MAPK10: variants seen among roughly 807,000 people sequenced by gnomAD.
MAPK10 encodes the protein JNK3 alpha protein kinase.
Under a neutral mutation model 59.3 loss-of-function variants are expected in MAPK10, and 25 were observed. The observed-to-expected ratio is 0.42, with a 90% CI of 0.31 to 0.59. MAPK10 has a LOEUF of 0.59. Among genes scored for constraint, MAPK10 ranks in the 20% least tolerant of loss-of-function variants. MAPK10 has a pLI of 0.15. For missense variants in MAPK10, 351 were observed against 568.9 expected, an observed-to-expected ratio of 0.62 and a Z score of 3.90; for synonymous variants, 190 against 200.5, an observed-to-expected ratio of 0.95 and a Z score of 0.44.
chr4:86,132,848 A>G (rs1216903648), intron 4 of MAPK10, among the ~76,000 whole-genome samples: 1 of 152,202 alleles, frequency 6.6e-6, no homozygotes, highest in Non-Finnish European at 1.5e-5. Context: ...AGCTGCAGGA[A>G]AACAAGTTCA....
chr4:86,208,497 T>A (rs945817468), intron 2 of MAPK10, among the ~76,000 whole-genome samples: 1 of 150,404 alleles, frequency 6.6e-6, no homozygotes, highest in Non-Finnish European at 1.5e-5. Flanking sequence ...ACCACATGAT[T>A]ATCTCAATAG....
At chr4:86,564,289 G>A (rs920837119) in intron 1 of MAPK10, among the ~76,000 whole-genome samples, 2 of 152,156 alleles carry the variant, frequency 1.3e-5, no homozygotes, top group Non-Finnish European at 2.9e-5. Flanking sequence ...GCCTAGGTTT[G>A]TATAGCTTTT....
intron 2 of MAPK10, among the ~76,000 whole-genome samples, chr4:86,258,832 T>C (rs2093868190): frequency 6.6e-6 from 1 of 152,200 alleles, no homozygotes; most frequent in Non-Finnish European, 1.5e-5. Flanking sequence ...CTAACCAGAC[T>C]GTTACTTAAA....
At chr4:86,169,861 A>G (rs1274704932) in intron 3 of MAPK10, among the ~76,000 whole-genome samples, 1 of 152,158 alleles carries the variant, frequency 6.6e-6, no homozygotes, top group African/African-American at 2.4e-5. Context: ...CTAACAGCGG[A>G]TCTCTCGGCA....
rs1579120699 is a variant in MAPK10 at position 86,413,138 on chromosome 4, G to A, written c.-122+39892C>T. Reference sequence around the variant, plus strand: ...TGATGCTATTCCTTTCTGTTTGTGAGTTTTCCTTCTAACAGTCAGGCCCCT... The same window carrying A: ...TGATGCTATTCCTTTCTGTTTGTGAATTTTCCTTCTAACAGTCAGGCCCCT... On this transcript the variant is annotated intron_variant, in intron 1 of 13. Coordinates refer to the MAPK10 transcript ENST00000361569. Among the ~76,000 whole-genome samples, 4 of 152,298 alleles carry A rather than the reference G, an allele frequency of 2.6e-5. No homozygotes were observed. In the South Asian group the frequency reaches 8.3e-4, roughly 32 times the overall value.
chr4:86,563,636 C>T (rs1157376961), intron 1 of MAPK10, among the ~76,000 whole-genome samples: 4 of 152,038 alleles, frequency 2.6e-5, no homozygotes, highest in African/African-American at 4.8e-5. Context: ...CCTGAAACCA[C>T]GGATAGTACT....
intron 2 of MAPK10, among the ~76,000 whole-genome samples, chr4:86,270,377 TA>T (rs148399246): frequency 0.11 from 16,582 of 151,980 alleles, 937 homozygotes; most frequent in Middle Eastern, 0.13. Flanking sequence ...AAATGTGTGC[TA>T]TTTTTTTTAA....
At chr4:86,379,607 A>T (rs1322815046) in intron 1 of MAPK10, among the ~76,000 whole-genome samples, 2 of 152,220 alleles carry the variant, frequency 1.3e-5, no homozygotes, top group East Asian at 3.9e-4. Context: ...CTTAAACCAC[A>T]AACAATAGAA....
chr4:86,301,434 G>A (rs977742260), intron 2 of MAPK10, among the ~76,000 whole-genome samples: 2 of 151,606 alleles, frequency 1.3e-5, no homozygotes, highest in African/African-American at 4.8e-5. Context: ...ATGATGAGAA[G>A]AGCCACCTTT....
intron 1 of MAPK10, among the ~76,000 whole-genome samples, chr4:86,413,364 A>C (rs1004354048): frequency 6.6e-6 from 1 of 152,200 alleles, no homozygotes; most frequent in Non-Finnish European, 1.5e-5. Context: ...CACAGGGGCC[A>C]GGGACCCGCT....
chr4:86,313,873 T>C (rs1578106147), intron 2 of MAPK10, among the ~76,000 whole-genome samples: 1 of 152,054 alleles, frequency 6.6e-6, no homozygotes, highest in African/African-American at 2.4e-5. Flanking sequence ...CACAAGTACA[T>C]ATGTTCACTG....
At chr4:86,306,384 A>T (rs1340554135) in intron 2 of MAPK10, among the ~76,000 whole-genome samples, 1 of 152,220 alleles carries the variant, frequency 6.6e-6, no homozygotes, top group Non-Finnish European at 1.5e-5. Context: ...AAAGGCAAAT[A>T]GTATTTTTGC....
chr4:86,464,162 T>A (rs1486988443), intron 1 of MAPK10, among the ~76,000 whole-genome samples: 4 of 152,256 alleles, frequency 2.6e-5, no homozygotes, highest in Non-Finnish European at 5.9e-5. Flanking sequence ...GCTGACTTTG[T>A]GGGTATTCTC....
intron 2 of MAPK10, among the ~76,000 whole-genome samples, chr4:86,315,931 T>C (rs911517214): frequency 1.3e-5 from 2 of 152,202 alleles, no homozygotes; most frequent in Non-Finnish European, 2.9e-5. Flanking sequence ...TATTACTTTC[T>C]TCCCCAAAGC....
chr4:86,355,228 C>A (rs1733790382), intron 1 of MAPK10, among the ~76,000 whole-genome samples: 1 of 152,106 alleles, frequency 6.6e-6, no homozygotes. Context: ...CTGCAACATT[C>A]TACCCAATGT....
intron 1 of MAPK10, among the ~76,000 whole-genome samples, chr4:86,540,920 T>C (rs1294606313): frequency 2.0e-5 from 3 of 152,164 alleles, no homozygotes; most frequent in Non-Finnish European, 2.9e-5. Context: ...CTGGGCAACA[T>C]GGCAAGACCC....
At chr4:86,273,756 GC>G (rs1474914374) in intron 2 of MAPK10, among the ~76,000 whole-genome samples, 1 of 151,928 alleles carries the variant, frequency 6.6e-6, no homozygotes, top group Non-Finnish European at 1.5e-5. Context: ...AAGCATTGGT[GC>G]TTTTCCTTAT....
chr4:86,067,422 A>T (rs1417241432), intron 10 of MAPK10, among the ~76,000 whole-genome samples: 1 of 152,130 alleles, frequency 6.6e-6, no homozygotes, highest in African/African-American at 2.4e-5. Flanking sequence ...CTGAGGTTAC[A>T]GACTTGAGCC....
At chr4:86,456,146 TACAGCAAAGGCA>T (rs1751206594), upstream of MAPK10, among the ~76,000 whole-genome samples, 1 of 152,112 alleles carries the variant, frequency 6.6e-6, no homozygotes, top group Non-Finnish European at 1.5e-5. Context: ...ACCTCTGGGA[TACAGCAAAGGCA>T]ACACTAAGAG....
Sources: gnomAD v4.1 joint callset for allele counts (sites outside exome capture counted in the v4.1 genomes callset) on GRCh38, gnomAD v4.1.1 for gene constraint, MANE v1.5 for transcripts, NCBI Gene and HGNC (gene_info 2026-07-23, HGNC 2026-07-21) for gene names.